Variants in IFT140 observed in about 807,000 individuals in gnomAD.
IFT140 encodes the protein intraflagellar transport protein 140 homolog.
In IFT140, 133 loss-of-function variants were observed where a neutral mutation model predicts 164.6. The observed-to-expected ratio is 0.81, with a 90% CI of 0.70 to 0.93. The LOEUF (loss-of-function observed/expected upper bound fraction) is 0.93. Ranked by LOEUF, IFT140 falls within the 40% of genes least tolerant of loss-of-function variation. IFT140 has a pLI of 0.00. For missense variants in IFT140, 2,045 were observed against 1,972.3 expected (o/e 1.04, Z -0.70); for synonymous variants, 860 against 817.3 (o/e 1.05, Z -0.89).
chr16:1,566,056 TG>T, intron 16 of IFT140, 104 bp downstream of exon 16: 1 of 1,044,210 alleles, frequency 9.6e-7, no homozygotes, highest in Non-Finnish European at 1.4e-6. Flanking sequence ...TGGTGCCTGC[TG>T]GGGCCTTTTG....
intron 18 of IFT140, among the ~76,000 whole-genome samples, chr16:1,561,666 C>T (rs760780654): frequency 3.3e-5 from 5 of 152,174 alleles, no homozygotes; most frequent in African/African-American, 4.8e-5. Context: ...GTTCAGCATT[C>T]GGGGAAAAGG....
Position 1,553,331 on chromosome 16 carries a change from T to G in IFT140, c.2399+4604A>C, listed in dbSNP as rs1055811861. On this transcript the variant is annotated intron_variant, in intron 19 of 30. Transcript: ENST00000426508. This position sits in a 1 kb window ranked among gnomAD's most constrained non-coding sequence, Gnocchi z 4.4. ...CTCTGTCTCTGTGTCTCTGTCCCTG[T>G]GTCTCTTTTTCTCCCATCCTCTCTC... 3 of 985,380 alleles carry G rather than the reference T, an allele frequency of 3.0e-6. No individual in the cohort carries two copies. The highest frequency in any genetic ancestry group is 5.2e-4 in the Middle Eastern group (1 of 1,914). 61.0% of individuals were successfully genotyped at this position (985,380 alleles called of 1,614,324 possible).
At chr16:1,518,003 A>G in intron 30 of IFT140, 1 of 446,440 alleles carries the variant, frequency 2.2e-6, no homozygotes, top group Non-Finnish European at 4.0e-6. Flanking sequence ...ATGCCTGGCT[A>G]ATTTTTCCCC....
chr16:1,517,877 A>G (rs1444049733), intron 30 of IFT140, among the ~76,000 whole-genome samples: 1 of 151,896 alleles, frequency 6.6e-6, no homozygotes, highest in Non-Finnish European at 1.5e-5. Context: ...TCGCTCTGTC[A>G]CCCAGGCTGG....
At chr16:1,581,560 A>G (rs1351262653) in intron 12 of IFT140, among the ~76,000 whole-genome samples, 3 of 150,328 alleles carry the variant, frequency 2.0e-5, no homozygotes, top group Non-Finnish European at 4.4e-5. Context: ...CCATCACACC[A>G]CTGCACTCCA....
chr16:1,586,155 A>G lies in IFT140; in HGVS notation c.1130T>C (p.Leu377Pro). 6.2e-7 allele frequency: 1 copy of G among 1,613,658 alleles called. No homozygotes were observed. The highest frequency in any genetic ancestry group is 1.1e-5 in the South Asian group (1 of 91,082). The change falls in exon 10 of 31, where the codon CTC (leucine) becomes CCC (proline). Residue 377 changes from leucine to proline, a missense_variant. Physicochemically the swap from Leu to Pro is moderately conservative, Grantham distance 98. Coordinates refer to ENST00000426508, the MANE Select transcript of IFT140 (RefSeq NM_014714.4). ...DRWALQTPTELQGNITQIQWG... is the reference protein window; with the variant it reads ...DRWALQTPTEPQGNITQIQWG... The stretch of plus-strand genomic sequence containing the variant: ...CTGGATTTGCGTGATGTTTCCTTGG[A>G]GCTCGGTAGGGGTCTGAAGGGCCCA...
chr16:1,515,415 G>C (rs1260053399), intron 30 of IFT140, among the ~76,000 whole-genome samples: 13 of 152,142 alleles, frequency 8.5e-5, no homozygotes, highest in Admixed American at 8.5e-4. Context: ...GTCAAATCAG[G>C]ATTTTTTTTG....
At chr16:1,546,747 C>T (rs2032210751) in intron 19 of IFT140, among the ~76,000 whole-genome samples, 1 of 152,232 alleles carries the variant, frequency 6.6e-6, no homozygotes, top group Non-Finnish European at 1.5e-5. Context: ...GCCCGGGCCT[C>T]AGGGTCTGCT....
chr16:1,548,065 G>C (rs1352850326), intron 19 of IFT140, among the ~76,000 whole-genome samples: 9 of 152,156 alleles, frequency 5.9e-5, no homozygotes. Context: ...TTCCAACTTT[G>C]GCTGTTGAGA....
intron 19 of IFT140, among the ~76,000 whole-genome samples, chr16:1,538,388 C>T (rs1468831004): frequency 6.6e-6 from 1 of 152,202 alleles, no homozygotes; most frequent in Non-Finnish European, 1.5e-5. Flanking sequence ...ATTCCCAGCT[C>T]CCAGGAACCT....
At chr16:1,579,547 A>C (rs562934873) in intron 13 of IFT140, 1 of 152,350 alleles carries the variant, frequency 6.6e-6, no homozygotes, top group Non-Finnish European at 1.5e-5. Context: ...TCTGTGTCGG[A>C]AGCCCCTCGG....
intron 19 of IFT140, among the ~76,000 whole-genome samples, chr16:1,535,463 C>A (rs1217040221): frequency 2.0e-5 from 3 of 152,234 alleles, no homozygotes; most frequent in African/African-American, 7.2e-5. Flanking sequence ...CAAGTCTCTG[C>A]TGCAGAGCCT....
chr16:1,609,810 T>C (rs996938519), intron 2 of IFT140, among the ~76,000 whole-genome samples: 4 of 152,256 alleles, frequency 2.6e-5, no homozygotes, highest in African/African-American at 9.6e-5. Flanking sequence ...AGTTATGTAC[T>C]TGATGACAAT....
At chr16:1,583,927 G>A (rs1024652967) in intron 11 of IFT140, among the ~76,000 whole-genome samples, 2 of 151,938 alleles carry the variant, frequency 1.3e-5, no homozygotes, top group African/African-American at 4.8e-5. Flanking sequence ...GTATTTTGGA[G>A]TTTTAGCATC....
Position 1,592,470 on chromosome 16 carries a change from CCAGGA to C in IFT140, c.483_487del (p.Pro162ArgfsTer14). 6.2e-7 allele frequency: 1 copy of C among 1,614,096 alleles called. No individual in the cohort carries two copies. Among genetic ancestry groups the C allele is most frequent in the Non-Finnish European group, 8.5e-7 (1 of 1,179,952 alleles). On this transcript the variant is annotated frameshift_variant, in exon 5 of 31. Coordinates refer to ENST00000426508, the MANE Select transcript of IFT140 (RefSeq NM_014714.4). LOFTEE classifies it high-confidence loss of function. Reference sequence around the variant, plus strand: ...ACAGGGCAAGCCCCACACTTACTCGCCAGGAGGGGGGAGCCGGAAGATGCAGTGCG... The same window carrying C: ...ACAGGGCAAGCCCCACACTTACTCGCGGGGGGAGCCGGAAGATGCAGTGCG...
chr16:1,586,530 T>A (rs2034889686), intron 9 of IFT140, among the ~76,000 whole-genome samples: 1 of 152,160 alleles, frequency 6.6e-6, no homozygotes, highest in Admixed American at 6.6e-5. Flanking sequence ...GGCTGCCCCA[T>A]GCTCAGCACT....
At chr16:1,566,370 C>T (rs1237048144) in intron 15 of IFT140, 79 bp from the exon 16 acceptor site, 4 of 1,413,750 alleles carry the variant, frequency 2.8e-6, no homozygotes, top group Non-Finnish European at 3.9e-6. Context: ...GGGACTGACA[C>T]AGCACATGTC....
intron 6 of IFT140, among the ~76,000 whole-genome samples, 189 bp from the exon 7 acceptor site, chr16:1,589,969 G>C (rs1380372943): frequency 3.9e-5 from 6 of 152,142 alleles, no homozygotes; most frequent in Non-Finnish European, 8.8e-5. Context: ...GGCCGAGGCT[G>C]GTAGATCACC....
chr16:1,593,440 T>C (rs1194126119), intron 4 of IFT140, among the ~76,000 whole-genome samples: 1 of 152,120 alleles, frequency 6.6e-6, no homozygotes, highest in South Asian at 2.1e-4. Flanking sequence ...GCCTCCTGAG[T>C]AGCTGGGACG....
Sources: allele counts gnomAD v4.1 joint callset (sites outside exome capture counted in the v4.1 genomes callset), GRCh38; gene constraint gnomAD v4.1.1; non-coding constraint Gnocchi (gnomAD v3.1); transcripts MANE v1.5; gene names NCBI Gene and HGNC (gene_info 2026-07-23, HGNC 2026-07-21).